Variants in ARL5B observed in about 807,000 individuals in gnomAD.
The protein encoded by ARL5B is ARF like GTPase 5B, also known as ADP-ribosylation factor-like protein 5B.
A neutral mutation model predicts 26.9 loss-of-function variants in ARL5B; 10 were observed. That is an observed-to-expected ratio of 0.37 (90% CI 0.23 to 0.63). ARL5B has a LOEUF of 0.63. Among genes scored for constraint, ARL5B ranks in the 30% least tolerant of loss-of-function variants. ARL5B has a pLI of 0.62. For synonymous variants in ARL5B, 87 were observed against 70.4 expected, an observed-to-expected ratio of 1.24 and a Z score of -1.18; for missense variants, 167 against 213.9, an observed-to-expected ratio of 0.78 and a Z score of 1.37.
intron 1 of ARL5B, among the ~76,000 whole-genome samples, 168 bp from the exon 2 acceptor site, chr10:18,666,407 A>G (rs2059861353): frequency 6.6e-6 from 1 of 152,200 alleles, no homozygotes; most frequent in African/African-American, 2.4e-5. Flanking sequence ...TTTGTTACTT[A>G]ACCTAGGTAG....
At position 18,666,492 on chromosome 10, in the gene ARL5B, GCTAA is replaced by G. The variant is rs1478323908; in HGVS notation, c.47-78_47-75del. ...TTCAGTGAATGATTCTCATTAATGA[GCTAA>G]CTAATAATCATTGTTGAAAGCATGT... On this transcript the variant is annotated intron_variant, in intron 1 of 5. Transcript: ENST00000377275. The G allele has an allele frequency of 1.4e-4, 151 of 1,106,096 alleles. 3 individuals are homozygous for G. In the South Asian group the frequency reaches 2.4e-3, roughly 18 times the overall value. The allele number at this position is 1,106,096 out of a possible 1,614,324, so 68.5% of individuals were successfully genotyped here.
rs1232709087 is a variant in ARL5B, at chr10:18,680,565, T to C, written c.*5349T>C. ...TATTCACAAGAGACCATAATCATTT[T>C]AATCTTATATTTTCCCTCAGGAAAT... On this transcript the variant is annotated 3_prime_UTR_variant, in exon 6 of 6. Transcript: ENST00000377275. The C allele has an allele frequency of 2.6e-5, 4 of 152,238 alleles. No individual in the cohort carries two copies. The highest frequency in any genetic ancestry group is 1.9e-4 in the East Asian group (1 of 5,184). 9.4% of individuals were successfully genotyped at this position (152,238 alleles called of 1,614,324 possible). A position where few individuals can be genotyped will look rare whatever the true frequency, so the allele number is the denominator to read the frequency against.
At chr10:18,674,675 T>C (rs2059903073) in intron 5 of ARL5B, among the ~76,000 whole-genome samples, 1 of 152,224 alleles carries the variant, frequency 6.6e-6, no homozygotes, top group South Asian at 2.1e-4. Context: ...ATTTAAGTAT[T>C]ATCCTGTTTA....
At chr10:18,665,005 C>T (rs1173741779) in intron 1 of ARL5B, among the ~76,000 whole-genome samples, 2 of 152,110 alleles carry the variant, frequency 1.3e-5, no homozygotes, top group African/African-American at 4.8e-5. Context: ...AAACTAGTGG[C>T]TTCCTTCTCA....
At chr10:18,665,526 G>T (rs762209790) in intron 1 of ARL5B, among the ~76,000 whole-genome samples, 11 of 152,060 alleles carry the variant, frequency 7.2e-5, no homozygotes, top group Non-Finnish European at 1.2e-4. Context: ...AATTTTCTTG[G>T]TCCCTCTTTT....
intron 1 of ARL5B, 106 bp downstream of exon 1, chr10:18,659,789 G>A: frequency 1.3e-6 from 2 of 1,545,192 alleles, no homozygotes; most frequent in Non-Finnish European, 1.7e-6. Context: ...CGCGGAGGAG[G>A]AAGGGACTTA....
intron 1 of ARL5B, among the ~76,000 whole-genome samples, chr10:18,661,480 C>T (rs995617400): frequency 2.0e-5 from 3 of 152,210 alleles, no homozygotes; most frequent in Non-Finnish European, 4.4e-5. Context: ...TTCTCTTCCT[C>T]TAACTTTCCT....
At chr10:18,671,296 C>G (rs563417188) in intron 3 of ARL5B, among the ~76,000 whole-genome samples, 1 of 152,006 alleles carries the variant, frequency 6.6e-6, no homozygotes, top group Non-Finnish European at 1.5e-5. Context: ...CCTCAGCCTC[C>G]GAAGTAGCAG....
intron 2 of ARL5B, 48 bp downstream of exon 2, chr10:18,666,683 A>T: frequency 6.9e-7 from 1 of 1,441,516 alleles, no homozygotes; most frequent in Non-Finnish European, 9.6e-7. Context: ...ATTGAAACTA[A>T]TGTGTTTACA....
chr10:18,668,686 A>G lies in ARL5B; in HGVS notation c.255+9A>G, dbSNP rs2059872664. Reference sequence around the variant, plus strand: ...ATTACTCAAATACAGAGGTATGCTAAGATGAATTTTGAATTTTAATCCAAA... The same window carrying G: ...ATTACTCAAATACAGAGGTATGCTAGGATGAATTTTGAATTTTAATCCAAA... On this transcript the variant is annotated intron_variant, in intron 3 of 5. Coordinates refer to ENST00000377275, the MANE Select transcript of ARL5B (RefSeq NM_178815.5). The G allele has an allele frequency of 1.2e-6, 2 of 1,610,900 alleles. No homozygotes were observed. The highest frequency in any genetic ancestry group is 1.7e-6 in the Non-Finnish European group (2 of 1,178,452).
At position 18,678,519 on chromosome 10, in the gene ARL5B, T is replaced by G. The variant is rs1001423056; in HGVS notation, c.*3303T>G. The G allele has an allele frequency of 6.6e-6, 1 of 151,902 alleles. No homozygotes were observed. Among genetic ancestry groups the G allele is most frequent in the African/African-American group, 2.4e-5 (1 of 41,432 alleles). The allele number at this position is 151,902 out of a possible 1,614,324, so 9.4% of individuals were successfully genotyped here. ...TAAAAAATCTTTTTAGTGTAGTTTC[T>G]TAGAACAAATTATAAACATAATCAT... On this transcript the variant is annotated 3_prime_UTR_variant, in exon 6 of 6. Transcript: ENST00000377275.
At chr10:18,665,858 C>T (rs963991118) in intron 1 of ARL5B, among the ~76,000 whole-genome samples, 1 of 152,098 alleles carries the variant, frequency 6.6e-6, no homozygotes, top group Non-Finnish European at 1.5e-5. Flanking sequence ...GAATATATAC[C>T]ACTTAACGGA....
chr10:18,675,024 T>C, intron 5 of ARL5B, 144 bp from the exon 6 acceptor site: 3 of 615,734 alleles, frequency 4.9e-6, no homozygotes, highest in Non-Finnish European at 5.6e-6. Flanking sequence ...TTTCACTTAT[T>C]ATAGTGTGAC....
chr10:18,660,030 C>G (rs1354625181), intron 1 of ARL5B: 1 of 854,192 alleles, frequency 1.2e-6, no homozygotes, highest in African/African-American at 1.8e-5. Flanking sequence ...ATGTGTATCC[C>G]CAGGATAAGT....
chr10:18,660,734 A>T (rs2059829909), intron 1 of ARL5B, among the ~76,000 whole-genome samples: 1 of 152,374 alleles, frequency 6.6e-6, no homozygotes, highest in South Asian at 2.1e-4. Context: ...ACATGTGTAT[A>T]TATATGTATA....
At chr10:18,667,971 G>C (rs938620676) in intron 2 of ARL5B, among the ~76,000 whole-genome samples, 1 of 152,054 alleles carries the variant, frequency 6.6e-6, no homozygotes, top group Non-Finnish European at 1.5e-5. Flanking sequence ...CAAAGTGCTA[G>C]AATTATAGGT....
At position 18,679,380 on chromosome 10, in the gene ARL5B, T is replaced by C. The variant is rs1362084981; in HGVS notation, c.*4164T>C. On this transcript the variant is annotated 3_prime_UTR_variant, in exon 6 of 6. Transcript: ENST00000377275. ...CTATAGTTCTGTGTGACTTTCCATA[T>C]TGAAAGAGTAGGGTTAGTAGCCAGG... The C allele has an allele frequency of 1.3e-5, 2 of 151,950 alleles. No homozygotes were observed. The highest frequency in any genetic ancestry group is 1.5e-5 in the Non-Finnish European group (1 of 67,838). The allele number at this position is 151,950 out of a possible 1,614,324, so 9.4% of individuals were successfully genotyped here.
chr10:18,665,744 G>T (rs1424630206), intron 1 of ARL5B, among the ~76,000 whole-genome samples: 1 of 152,184 alleles, frequency 6.6e-6, no homozygotes, highest in East Asian at 1.9e-4. Context: ...AACTTTTTAA[G>T]CATTCTTCTG....
chr10:18,661,507 C>G (rs2059836547), intron 1 of ARL5B, among the ~76,000 whole-genome samples: 1 of 152,130 alleles, frequency 6.6e-6, no homozygotes, highest in Non-Finnish European at 1.5e-5. Context: ...AAATTTAGAA[C>G]CAGTGATTAT....
Sources: allele counts gnomAD v4.1 joint callset (sites outside exome capture counted in the v4.1 genomes callset), GRCh38; gene constraint gnomAD v4.1.1; transcripts MANE v1.5; gene names NCBI Gene and HGNC (gene_info 2026-07-23, HGNC 2026-07-21).